TPRG1: variants seen among roughly 807,000 people sequenced by gnomAD.
The protein encoded by TPRG1 is tumor protein p63 regulated 1.
In TPRG1, 29 loss-of-function variants were observed where a neutral mutation model predicts 29.3. That is an observed-to-expected ratio of 0.99 (90% confidence interval 0.74 to 1.35). The LOEUF is 1.35. Ranked by LOEUF, TPRG1 falls within the 40% of genes most tolerant of loss-of-function variation. The pLI is 0.00. For synonymous variants in TPRG1, 130 were observed against 116.8 expected, an observed-to-expected ratio of 1.11 and a Z score of -0.73; for missense variants, 327 against 335.0, an observed-to-expected ratio of 0.98 and a Z score of 0.19.
chr3:189,081,278 T>C (rs1717576181), intron 4 of TPRG1, among the ~76,000 whole-genome samples: 1 of 151,528 alleles, frequency 6.6e-6, no homozygotes, highest in African/African-American at 2.4e-5. Context: ...GGGAGAGGGA[T>C]TGTTGAGAGA....
intron 1 of TPRG1, among the ~76,000 whole-genome samples, chr3:189,113,924 T>A (rs1720866960): frequency 1.7e-5 from 1 of 58,286 alleles, no homozygotes; most frequent in Admixed American, 2.2e-4. Flanking sequence ...ATAATAATAA[T>A]AAAATAAAAT....
chr3:189,203,332 G>C (rs1000531403), intron 1 of TPRG1, among the ~76,000 whole-genome samples: 1 of 151,142 alleles, frequency 6.6e-6, no homozygotes, highest in East Asian at 1.9e-4. Context: ...GGCTTTATTT[G>C]GGATTTTTTT....
At chr3:189,281,635 A>C (rs1026679422) in intron 4 of TPRG1, among the ~76,000 whole-genome samples, 5 of 152,194 alleles carry the variant, frequency 3.3e-5, no homozygotes, top group Non-Finnish European at 7.3e-5. Flanking sequence ...TAAAATCATA[A>C]TATAAGAAGT....
intron 1 of TPRG1, among the ~76,000 whole-genome samples, chr3:189,190,564 A>G (rs539837113): frequency 1.3e-5 from 2 of 152,272 alleles, no homozygotes; most frequent in Non-Finnish European, 2.9e-5. Flanking sequence ...CACAGAAATT[A>G]TTTTATTTTA....
intron 2 of TPRG1, among the ~76,000 whole-genome samples, chr3:189,128,287 T>G (rs958817880): frequency 7.2e-5 from 11 of 152,128 alleles, no homozygotes; most frequent in Non-Finnish European, 1.3e-4. Context: ...GTACCAGAGC[T>G]GTCAGTATTG....
chr3:189,014,793 C>T (rs1712834940), intron 3 of TPRG1, among the ~76,000 whole-genome samples: 1 of 152,138 alleles, frequency 6.6e-6, no homozygotes, highest in Non-Finnish European at 1.5e-5. Flanking sequence ...TGAGGAGCCC[C>T]AGTCATGCTT....
At chr3:189,146,928 A>G (rs1578532402) in intron 3 of TPRG1, among the ~76,000 whole-genome samples, 1 of 152,192 alleles carries the variant, frequency 6.6e-6, no homozygotes, top group African/African-American at 2.4e-5. Context: ...TATTTAGTAT[A>G]TGGACACAGG....
intron 4 of TPRG1, among the ~76,000 whole-genome samples, chr3:189,304,513 G>A (rs1560677522): frequency 6.6e-6 from 1 of 152,186 alleles, no homozygotes; most frequent in Non-Finnish European, 1.5e-5. Context: ...ACTTCTGGGA[G>A]GGAGCCAGGT....
intron 4 of TPRG1, among the ~76,000 whole-genome samples, chr3:189,034,475 G>T (rs1714133213): frequency 6.6e-6 from 1 of 152,078 alleles, no homozygotes; most frequent in Non-Finnish European, 1.5e-5. Flanking sequence ...AAAAATCATA[G>T]ATTTAATATA....
At chr3:189,081,092 T>C (rs1403913039) in intron 4 of TPRG1, among the ~76,000 whole-genome samples, 1 of 152,108 alleles carries the variant, frequency 6.6e-6, no homozygotes, top group Non-Finnish European at 1.5e-5. Flanking sequence ...TCTGGATAAT[T>C]AGAAGAATAA....
At chr3:189,233,808 A>C (rs16864131) in intron 3 of TPRG1, among the ~76,000 whole-genome samples, 4,556 of 152,204 alleles carry the variant, frequency 0.03, 80 homozygotes, top group South Asian at 0.049. Flanking sequence ...AAAGCACTGT[A>C]ACATAGAGAA....
At chr3:189,065,312 C>A (rs1414229746) in intron 4 of TPRG1, among the ~76,000 whole-genome samples, 1 of 152,036 alleles carries the variant, frequency 6.6e-6, no homozygotes, top group Admixed American at 6.6e-5. Context: ...CACTTATTAC[C>A]TTATTTTATG....
chr3:189,037,291 A>G (rs1001845062), intron 4 of TPRG1, among the ~76,000 whole-genome samples: 1 of 151,890 alleles, frequency 6.6e-6, no homozygotes, highest in Non-Finnish European at 1.5e-5. Flanking sequence ...AGAAAAAAAC[A>G]TGATGAACAT....
In TPRG1 at chr3:189,320,633, G is replaced by A. The variant is rs572705265; in HGVS notation, c.641G>A (p.Gly214Glu). The A allele has an allele frequency of 5.7e-5, 92 of 1,601,400 alleles. 1 individual carries two copies. The South Asian group carries it at 9.2e-4, about 16-fold the overall frequency. The change falls in exon 6 of 6, where the codon GGG becomes GAG. Residue 214 changes from glycine to glutamate, a missense_variant. By Grantham distance (98) the Gly-to-Glu change is moderately conservative. Transcript: ENST00000345063. ...TCTTTTTTTCTTCTTCAGTTGTCTGGGTTCATGTCTAAGCTTGTTCCAGCT... is the reference window on the plus strand; with the variant it reads ...TCTTTTTTTCTTCTTCAGTTGTCTGAGTTCATGTCTAAGCTTGTTCCAGCT... ...EKFLEICKLS[G>E]FMSKLVPAIQ...
intron 4 of TPRG1, among the ~76,000 whole-genome samples, chr3:189,042,483 G>A (rs1170766823): frequency 1.3e-5 from 2 of 152,030 alleles, no homozygotes; most frequent in Non-Finnish European, 2.9e-5. Flanking sequence ...TGCCAATCCT[G>A]GTTAATTATG....
At chr3:189,031,379 TG>T (rs532267510) in intron 4 of TPRG1, among the ~76,000 whole-genome samples, 2 of 152,204 alleles carry the variant, frequency 1.3e-5, no homozygotes, top group Non-Finnish European at 2.9e-5. Context: ...TCACAGGATA[TG>T]TGGTACCAAT....
chr3:189,221,835 G>A (rs182440542), intron 3 of TPRG1, among the ~76,000 whole-genome samples: 60 of 152,290 alleles, frequency 3.9e-4, no homozygotes, highest in African/African-American at 1.2e-3. Flanking sequence ...TTTATTTTAC[G>A]GATGAAGAAA....
At chr3:189,048,135 A>G (rs1715090369) in intron 4 of TPRG1, among the ~76,000 whole-genome samples, 1 of 152,190 alleles carries the variant, frequency 6.6e-6, no homozygotes. Context: ...ATTTCTTAAG[A>G]CCAGAAAGTC....
intron 4 of TPRG1, among the ~76,000 whole-genome samples, chr3:189,063,578 A>G (rs1450490514): frequency 6.6e-6 from 1 of 152,160 alleles, no homozygotes; most frequent in Non-Finnish European, 1.5e-5. Context: ...TCTGACTACA[A>G]TGGAATCAAA....
Sources: gnomAD v4.1 joint callset for allele counts (sites outside exome capture counted in the v4.1 genomes callset) on GRCh38, gnomAD v4.1.1 for gene constraint, MANE v1.5 for transcripts, NCBI Gene and HGNC (gene_info 2026-07-23, HGNC 2026-07-21) for gene names.